The following CIMIP2C variants were observed in gnomAD, a reference collection of about 807,000 sequenced individuals.
CIMIP2C encodes UPF0573 protein C2orf70.
the CIMIP2C span, chr2:26,575,784 A>C: frequency 7.7e-7 from 1 of 1,297,044 alleles, no homozygotes; most frequent in Admixed American, 2.3e-5. Context: ...TCAGCTTTCC[A>C]ACATGCTGGG....
the CIMIP2C span, among the ~76,000 whole-genome samples, chr2:26,571,652 A>G: frequency 2.4e-4 from 37 of 152,312 alleles, no homozygotes; most frequent in African/African-American, 8.7e-4. Flanking sequence ...AAAGCCACAA[A>G]TCACCCGAAA....
the CIMIP2C span, among the ~76,000 whole-genome samples, chr2:26,569,819 C>G: frequency 1.3e-5 from 2 of 152,108 alleles, no homozygotes; most frequent in Admixed American, 6.5e-5. Context: ...TGGCACCAGC[C>G]AACACAGCAA....
At chr2:26,579,276 TC>T in the CIMIP2C span, 737 of 1,613,054 alleles carry the variant, frequency 4.6e-4, 3 homozygotes, top group African/African-American at 9.1e-3. Flanking sequence ...ATAACACCAG[TC>T]CCATCCTCAC....
the CIMIP2C span, chr2:26,563,006 C>T: frequency 2.1e-5 from 8 of 381,830 alleles, no homozygotes; most frequent in Admixed American, 1.3e-4. Context: ...GGGTTTAGTG[C>T]TTGGAGACGC....
At chr2:26,570,040 G>T in the CIMIP2C span, among the ~76,000 whole-genome samples, 1 of 152,186 alleles carries the variant, frequency 6.6e-6, no homozygotes, top group Non-Finnish European at 1.5e-5. Flanking sequence ...ATGTGAACCT[G>T]CCCATGTGTG....
the CIMIP2C span, among the ~76,000 whole-genome samples, chr2:26,570,407 C>T: frequency 6.6e-6 from 1 of 152,194 alleles, no homozygotes; most frequent in African/African-American, 2.4e-5. Flanking sequence ...TCTGCCTCCT[C>T]CAGTGAACAT....
At chr2:26,562,657 C>A in the CIMIP2C span, 1 of 1,584,178 alleles carries the variant, frequency 6.3e-7, no homozygotes, top group East Asian at 2.3e-5. Context: ...AGTTCAATGC[C>A]GCCTACGTGC....
At chr2:26,562,592 C>T in the CIMIP2C span, 312 of 1,561,138 alleles carry the variant, frequency 2.0e-4, no homozygotes, top group African/African-American at 3.0e-3. Context: ...GCGCCAGGCT[C>T]GCTGTACTCG....
At chr2:26,569,516 G>A in the CIMIP2C span, among the ~76,000 whole-genome samples, 1 of 152,194 alleles carries the variant, frequency 6.6e-6, no homozygotes, top group South Asian at 2.1e-4. Context: ...ATTGTGGAAT[G>A]TGGACATGCC....
At chr2:26,572,836 A>G in the CIMIP2C span, among the ~76,000 whole-genome samples, 2 of 152,000 alleles carry the variant, frequency 1.3e-5, no homozygotes, top group East Asian at 3.9e-4. Context: ...GGTGGGCCAC[A>G]GGCTGCCCGA....
the CIMIP2C span, among the ~76,000 whole-genome samples, chr2:26,573,331 G>A: frequency 6.1e-5 from 9 of 146,454 alleles, no homozygotes; most frequent in East Asian, 5.8e-4. Context: ...GCCTATAAAC[G>A]GGCACCAGCC....
chr2:26,565,914 T>C, the CIMIP2C span, among the ~76,000 whole-genome samples: 3 of 152,234 alleles, frequency 2.0e-5, no homozygotes, highest in Non-Finnish European at 4.4e-5. Context: ...ACACAGCTCC[T>C]AGGCACCTTG....
At chr2:26,575,897 G>A in the CIMIP2C span, 10 of 1,611,060 alleles carry the variant, frequency 6.2e-6, no homozygotes, top group African/African-American at 1.3e-5. Context: ...CACCGTGATC[G>A]GCAGGTACCA....
chr2:26,579,077 CTG>C, the CIMIP2C span: 2 of 587,912 alleles, frequency 3.4e-6, no homozygotes, highest in African/African-American at 1.9e-5. Context: ...CGTCCCAGGT[CTG>C]TCTGACATCT....
chr2:26,577,838 A>G, the CIMIP2C span: 582 of 514,702 alleles, frequency 1.1e-3, 1 homozygote, highest in African/African-American at 0.011. Context: ...TGGGCGAATC[A>G]GGAAGAGTGC....
the CIMIP2C span, chr2:26,572,159 C>T: frequency 6.5e-7 from 1 of 1,540,596 alleles, no homozygotes; most frequent in Non-Finnish European, 8.7e-7. Flanking sequence ...TTAGTAAGTG[C>T]ACCCCCATCT....
the CIMIP2C span, among the ~76,000 whole-genome samples, chr2:26,564,951 C>A: frequency 6.6e-6 from 1 of 152,186 alleles, no homozygotes; most frequent in Admixed American, 6.5e-5. Flanking sequence ...GGCAATAACA[C>A]CATGATCTCC....
the CIMIP2C span, among the ~76,000 whole-genome samples, chr2:26,569,837 C>T: frequency 6.6e-6 from 1 of 152,178 alleles, no homozygotes; most frequent in East Asian, 1.9e-4. Flanking sequence ...CAAATGCTGC[C>T]ACTCGATGCC....
the CIMIP2C span, chr2:26,575,981 C>T: frequency 6.2e-7 from 1 of 1,614,152 alleles, no homozygotes; most frequent in African/African-American, 1.3e-5. Flanking sequence ...CTTCCAGGAC[C>T]ACCGCAACAG....
Sources: gnomAD v4.1 joint callset for allele counts (sites outside exome capture counted in the v4.1 genomes callset) on GRCh38, gnomAD v4.1.1 for gene constraint, MANE v1.5 for transcripts, NCBI Gene and HGNC (gene_info 2026-07-23, HGNC 2026-07-21) for gene names.